Variants in MLLT10 observed in about 807,000 individuals in gnomAD.
MLLT10 encodes MLLT10 histone lysine methyltransferase DOT1L cofactor, also known as protein AF-10.
In MLLT10, 30 loss-of-function variants were observed where a neutral mutation model predicts 129.1. That is an observed-to-expected ratio of 0.23 (90% CI 0.17 to 0.32). The LOEUF (loss-of-function observed/expected upper bound fraction) is 0.32. Ranked by LOEUF, MLLT10 falls within the 10% of genes least tolerant of loss-of-function variation. MLLT10 has a pLI of 1.00. For synonymous variants in MLLT10, 490 were observed against 446.4 expected (o/e 1.10, Z -1.23); for missense variants, 1,119 against 1,268.3 (o/e 0.88, Z 1.79).
At chr10:21,738,874 C>A (rs1267844890) in intron 21 of MLLT10, among the ~76,000 whole-genome samples, 4 of 152,196 alleles carry the variant, frequency 2.6e-5, no homozygotes, top group African/African-American at 9.6e-5. Context: ...GATCTCTCAT[C>A]ACTGTCTGTA....
At chr10:21,700,103 G>A (rs1682251481) in intron 13 of MLLT10, among the ~76,000 whole-genome samples, 1 of 142,242 alleles carries the variant, frequency 7.0e-6, no homozygotes, top group South Asian at 2.2e-4. Flanking sequence ...TCGGTTAAAT[G>A]TATTCTTTTT....
At chr10:21,726,388 CT>C (rs747721439) in intron 15 of MLLT10, 33 bp downstream of exon 15, 7 of 1,405,820 alleles carry the variant, frequency 5.0e-6, no homozygotes, top group Admixed American at 1.8e-5. Flanking sequence ...CTCTAAAACC[CT>C]ACTCTCACCT....
intron 22 of MLLT10, among the ~76,000 whole-genome samples, chr10:21,741,476 G>C (rs1833614936): frequency 2.0e-5 from 3 of 152,206 alleles, no homozygotes; most frequent in Non-Finnish European, 2.9e-5. Flanking sequence ...GTCCTTGCAA[G>C]ATACAGTGAC....
At chr10:21,614,978 A>C (rs916379595) in intron 7 of MLLT10, 54 bp downstream of exon 7, 3 of 1,393,916 alleles carry the variant, frequency 2.2e-6, no homozygotes, top group Admixed American at 2.0e-5. Context: ...TTGACAATAG[A>C]ATGACACTGT....
At position 21,534,812 on chromosome 10, in the gene MLLT10, C is replaced by T; in HGVS notation, c.160+8C>T. ...GCGTCGCGGTGCATCAAGGTAAACA[C>T]CCAACCGCCCGCCGGGGCGCGCCGG... On this transcript the variant is annotated splice_region_variant and intron_variant, in intron 2 of 22. Transcript: ENST00000307729. The T allele has an allele frequency of 6.3e-7, 1 of 1,585,892 alleles. No individual in the cohort carries two copies. The highest frequency in any genetic ancestry group is 2.4e-5 in the East Asian group (1 of 42,434).
intron 3 of MLLT10, among the ~76,000 whole-genome samples, chr10:21,555,805 T>G (rs1383779467): frequency 6.9e-6 from 1 of 144,988 alleles, no homozygotes; most frequent in African/African-American, 2.6e-5. Context: ...GTAGCTGGGT[T>G]TATAGGCATG....
intron 13 of MLLT10, among the ~76,000 whole-genome samples, chr10:21,701,626 AC>A (rs1298674379): frequency 6.6e-6 from 1 of 152,066 alleles, no homozygotes; most frequent in Non-Finnish European, 1.5e-5. Context: ...TTGCTCTGTC[AC>A]CCAGGCTGGA....
intron 13 of MLLT10, among the ~76,000 whole-genome samples, chr10:21,704,543 T>A (rs544600513): frequency 4.0e-5 from 6 of 151,412 alleles, no homozygotes; most frequent in South Asian, 4.2e-4. Flanking sequence ...CCAATATTTT[T>A]AAAAACTTTT....
chr10:21,612,326 CTT>C lies in MLLT10; in HGVS notation c.406-11_406-10del, dbSNP rs369797804. 7,530 of 1,194,506 alleles carry C rather than the reference CTT, an allele frequency of 6.3e-3. No individual in the cohort carries two copies. Among genetic ancestry groups the C allele is most frequent in the South Asian group, 0.01 (682 of 67,646 alleles). The allele number at this position is 1,194,506 out of a possible 1,614,324, so 74.0% of individuals were successfully genotyped here. A position where few individuals can be genotyped will look rare whatever the true frequency, so the allele number is the denominator to read the frequency against. On this transcript the variant is annotated intron_variant, in intron 5 of 22. Transcript: ENST00000307729. ...TGTTAAGAACATGTATGATTTTTGTCTTTTTTTTTTTTAACCCCAAGACTTGC... is the reference window on the plus strand; with the variant it reads ...TGTTAAGAACATGTATGATTTTTGTCTTTTTTTTTTAACCCCAAGACTTGC...
chr10:21,732,936 T>A lies in MLLT10; in HGVS notation c.2256T>A (p.Val752=). 6.2e-7 allele frequency: 1 copy of A among 1,613,934 alleles called. No homozygotes were observed. Among genetic ancestry groups the A allele is most frequent in the Non-Finnish European group, 8.5e-7 (1 of 1,179,960 alleles). The change falls in exon 18 of 23, where the codon GTT becomes GTA. Residue 752 remains valine (V), a synonymous_variant. Coordinates refer to ENST00000307729, the MANE Select transcript of MLLT10 (RefSeq NM_001195626.3). ...GMLKSLHQLQ[V]ENRRLEEQIK... is the part of the protein sequence containing the mutation. ...TGAAGTCATTACACCAACTTCAAGT[T>A]GAAAACCGAAGATTAGAGGAACAAA...
intron 3 of MLLT10, among the ~76,000 whole-genome samples, chr10:21,553,799 G>A (rs1206555728): frequency 1.3e-5 from 2 of 151,764 alleles, no homozygotes; most frequent in African/African-American, 2.4e-5. Flanking sequence ...ATAGGCATGC[G>A]CCACCATGCC....
intron 3 of MLLT10, among the ~76,000 whole-genome samples, chr10:21,550,295 A>G (rs1564389880): frequency 6.6e-6 from 1 of 152,138 alleles, no homozygotes; most frequent in Non-Finnish European, 1.5e-5. Flanking sequence ...ATCTGGAGCA[A>G]GCATCTAATT....
intron 5 of MLLT10, among the ~76,000 whole-genome samples, chr10:21,608,594 C>G (rs1212365211): frequency 6.6e-6 from 1 of 151,920 alleles, no homozygotes; most frequent in Non-Finnish European, 1.5e-5. Context: ...ACTAGATTTT[C>G]AAATGTAGTT....
intron 3 of MLLT10, among the ~76,000 whole-genome samples, chr10:21,561,808 A>G (rs1411538256): frequency 6.6e-6 from 1 of 151,460 alleles, no homozygotes; most frequent in Non-Finnish European, 1.5e-5. Context: ...TGCCAGTACA[A>G]CAGTTTTTTT....
At chr10:21,638,018 A>G (rs189251690) in intron 8 of MLLT10, among the ~76,000 whole-genome samples, 39 of 151,614 alleles carry the variant, frequency 2.6e-4, no homozygotes, top group Non-Finnish European at 4.1e-4. Flanking sequence ...CTGGAATCCT[A>G]TGCTGTTTCT....
chr10:21,533,948 G>A, upstream of MLLT10, among the ~76,000 whole-genome samples: 1 of 152,174 alleles, frequency 6.6e-6, no homozygotes, highest in Non-Finnish European at 1.5e-5. Flanking sequence ...CACCTCCCAG[G>A]CCTCTTCCCG....
intron 9 of MLLT10, among the ~76,000 whole-genome samples, chr10:21,666,578 G>A (rs1213250421): frequency 6.6e-6 from 1 of 151,722 alleles, no homozygotes. Context: ...CAGGAGAATC[G>A]TTGGAACCCG....
At chr10:21,717,906 C>CCTCCTTCTCCTTCTCCTTCTT (rs2056853246) in intron 14 of MLLT10, among the ~76,000 whole-genome samples, 3 of 143,782 alleles carry the variant, frequency 2.1e-5, no homozygotes, top group Non-Finnish European at 4.5e-5. Context: ...TCCTCCTCCT[C>CCTCCTTCTCCTTCTCCTTCTT]CTCCTTCTCC....
rs9663593 is a variant in MLLT10, at chr10:21,628,984, G to A, written c.699+11777G>A. Among the ~76,000 whole-genome samples, 1,338 of 151,922 alleles carry A rather than the reference G, an allele frequency of 8.8e-3. 13 individuals are homozygous for A. The highest frequency in any genetic ancestry group is 0.03 in the African/African-American group (1,249 of 41,426). On this transcript the variant is annotated intron_variant, in intron 8 of 22. Transcript: ENST00000307729. Reference sequence around the variant, plus strand: ...GGCTGGTCTTGAACTTGTGACCTCAGGTGATTGCCCACCTTGGCCTCCCAA... The same window carrying A: ...GGCTGGTCTTGAACTTGTGACCTCAAGTGATTGCCCACCTTGGCCTCCCAA...
Sources: allele counts gnomAD v4.1 joint callset (sites outside exome capture counted in the v4.1 genomes callset), GRCh38; gene constraint gnomAD v4.1.1; transcripts MANE v1.5; gene names NCBI Gene and HGNC (gene_info 2026-07-23, HGNC 2026-07-21).